The following CLASP1 variants were observed in gnomAD, a reference collection of about 807,000 sequenced individuals.
CLASP1 encodes the protein CLIP-associating protein 1.
In CLASP1, 38 loss-of-function variants were observed where a neutral mutation model predicts 192.3. The observed-to-expected ratio is 0.20, with a 90% CI of 0.15 to 0.26. The LOEUF (loss-of-function observed/expected upper bound fraction) is 0.26, where lower values mean the gene tolerates loss of function less well. Among genes scored for constraint, CLASP1 ranks in the 10% least tolerant of loss-of-function variants. CLASP1 has a pLI of 1.00. For synonymous variants in CLASP1, 691 were observed against 712.8 expected (o/e 0.97, Z 0.49); for missense variants, 1,433 against 1,932.5 (o/e 0.74, Z 4.85).
intron 1 of CLASP1, among the ~76,000 whole-genome samples, chr2:121,626,541 G>A (rs556884759): frequency 1.4e-3 from 209 of 152,196 alleles, no homozygotes; most frequent in African/African-American, 4.8e-3. Flanking sequence ...GACTTCTGGG[G>A]TCACATAGCA....
chr2:121,396,056 G>A (rs1408440516), intron 30 of CLASP1, among the ~76,000 whole-genome samples: 1 of 152,182 alleles, frequency 6.6e-6, no homozygotes, highest in East Asian at 1.9e-4. Flanking sequence ...GAGTGTCTAC[G>A]CTCTGCCCTA....
intron 7 of CLASP1, among the ~76,000 whole-genome samples, chr2:121,506,958 G>T (rs1486618346): frequency 1.3e-5 from 2 of 152,110 alleles, no homozygotes; most frequent in African/African-American, 2.4e-5. Context: ...AAAATCTGGG[G>T]AGGGGAAAGA....
chr2:121,390,485 T>C (rs934714527), intron 30 of CLASP1, among the ~76,000 whole-genome samples: 4 of 152,212 alleles, frequency 2.6e-5, no homozygotes, highest in African/African-American at 9.6e-5. Flanking sequence ...CACACCCTCA[T>C]AGAGGAATTT....
intron 6 of CLASP1, among the ~76,000 whole-genome samples, chr2:121,522,767 G>GT (rs1348082560): frequency 2.0e-5 from 3 of 152,164 alleles, no homozygotes; most frequent in Non-Finnish European, 4.4e-5. Flanking sequence ...AATGTTTGGT[G>GT]TAAGTATGGC....
chr2:121,596,701 T>G (rs2063181043), intron 2 of CLASP1, among the ~76,000 whole-genome samples: 2 of 152,196 alleles, frequency 1.3e-5, no homozygotes, highest in Non-Finnish European at 2.9e-5. Context: ...CCTCTGCAGC[T>G]TACACCTTTT....
intron 2 of CLASP1, among the ~76,000 whole-genome samples, chr2:121,559,194 T>C (rs1042096337): frequency 6.6e-6 from 1 of 152,174 alleles, no homozygotes; most frequent in Non-Finnish European, 1.5e-5. Flanking sequence ...ATACAGACCA[T>C]GACAATTTTT....
intron 34 of CLASP1, among the ~76,000 whole-genome samples, chr2:121,372,017 T>G (rs1294625584): frequency 6.6e-6 from 1 of 152,252 alleles, no homozygotes; most frequent in Non-Finnish European, 1.5e-5. Flanking sequence ...TATTGCAGAC[T>G]GTAACTACGT....
rs1219293227 is a variant in CLASP1, at chr2:121,526,004, G to C, written c.471-84C>G. 3 of 927,336 alleles carry C rather than the reference G, an allele frequency of 3.2e-6. No homozygotes were observed. The Admixed American group carries it at 6.0e-5, about 18-fold the overall frequency. 57.4% of individuals were successfully genotyped at this position (927,336 alleles called of 1,614,324 possible). A position where few individuals can be genotyped will look rare whatever the true frequency, so the allele number is the denominator to read the frequency against. ...CTGTCTGCCCACACCTGCCCTTCCC[G>C]TGTCTCCCCAATCCCCATCACCACC... On this transcript the variant is annotated intron_variant, in intron 5 of 39. Coordinates refer to ENST00000263710, the Ensembl canonical transcript of CLASP1.
intron 2 of CLASP1, among the ~76,000 whole-genome samples, chr2:121,581,119 G>A (rs1473624723): frequency 6.6e-6 from 1 of 152,014 alleles, no homozygotes; most frequent in African/African-American, 2.4e-5. Flanking sequence ...ATCTTATATA[G>A]CTGACCTTGA....
chr2:121,377,595 T>C (rs777680280), exon 34 of CLASP1: 4 of 1,593,394 alleles, frequency 2.5e-6, no homozygotes, highest in South Asian at 2.3e-5. Context: ...TAACTCCACG[T>C]AGAGAACTAT....
Position 121,500,643 on chromosome 2 carries a change from T to C in CLASP1, c.712+2524A>G, listed in dbSNP as rs116694637. Among the ~76,000 whole-genome samples the C allele has an allele frequency of 7.4e-4, 112 of 152,286 alleles. 2 individuals are homozygous for C. Among genetic ancestry groups the C allele is most frequent in the African/African-American group, 2.6e-3 (108 of 41,572 alleles). On this transcript the variant is annotated intron_variant, in intron 8 of 39. Coordinates refer to ENST00000263710, the Ensembl canonical transcript of CLASP1. ...AGGTGGTTTGTTTTTTGACAGCAAT[T>C]GAACATTTTACTGGTCTCTCAAATT... is the stretch of plus-strand genomic sequence containing the variant.
At chr2:121,575,705 A>T (rs192207808) in intron 2 of CLASP1, among the ~76,000 whole-genome samples, 2 of 152,374 alleles carry the variant, frequency 1.3e-5, no homozygotes, top group South Asian at 2.1e-4. Context: ...ATATAAAAAC[A>T]TGAAAACGAA....
At chr2:121,469,657 A>G in intron 9 of CLASP1, 151 bp downstream of exon 9, 1 of 709,194 alleles carries the variant, frequency 1.4e-6, no homozygotes, top group South Asian at 3.0e-5. Context: ...TCAGTATCGC[A>G]ATGCTAATTC....
At chr2:121,403,125 C>T (rs1574377559) in intron 26 of CLASP1, among the ~76,000 whole-genome samples, 2 of 152,128 alleles carry the variant, frequency 1.3e-5, no homozygotes, top group African/African-American at 2.4e-5. Context: ...AGCCACTGTG[C>T]CCAGTGGATT....
At chr2:121,475,863 C>T (rs186133973) in intron 8 of CLASP1, among the ~76,000 whole-genome samples, 32 of 152,272 alleles carry the variant, frequency 2.1e-4, no homozygotes, top group African/African-American at 7.5e-4. Context: ...CTGATAGTCT[C>T]GGGTAGAAAT....
intron 1 of CLASP1, among the ~76,000 whole-genome samples, chr2:121,639,146 G>A (rs1287331673): frequency 1.3e-5 from 2 of 152,022 alleles, no homozygotes; most frequent in Admixed American, 1.3e-4. Context: ...GCTTGGTGGT[G>A]GGTGCCTGTA....
At chr2:121,400,726 A>G (rs369833216) in intron 28 of CLASP1, among the ~76,000 whole-genome samples, 1 of 152,352 alleles carries the variant, frequency 6.6e-6, no homozygotes, top group African/African-American at 2.4e-5. Flanking sequence ...TATGATAACT[A>G]GAATTATTCC....
intron 2 of CLASP1, among the ~76,000 whole-genome samples, chr2:121,549,202 T>C (rs1253338753): frequency 6.6e-6 from 1 of 152,188 alleles, no homozygotes; most frequent in Non-Finnish European, 1.5e-5. Flanking sequence ...TGATCTCACA[T>C]GCAATGACAC....
chr2:121,365,392 C>T (rs768219220), intron 35 of CLASP1, 108 bp from the exon 37 acceptor site: 7 of 1,074,590 alleles, frequency 6.5e-6, no homozygotes, highest in African/African-American at 1.6e-5. Context: ...CTCCCAGAGG[C>T]GATGCCTCCT....
Sources: allele counts gnomAD v4.1 joint callset (sites outside exome capture counted in the v4.1 genomes callset), GRCh38; gene constraint gnomAD v4.1.1; transcripts MANE v1.5; gene names NCBI Gene and HGNC (gene_info 2026-07-23, HGNC 2026-07-21).